SSH2: variants seen among roughly 807,000 people sequenced by gnomAD.
SSH2 encodes the protein slingshot protein phosphatase 2, also known as protein phosphatase Slingshot homolog 2.
SSH2 carries 37 observed loss-of-function variants against 135.2 expected under a neutral mutation model. The ratio of observed to expected loss-of-function variants is 0.27; its 90% CI spans 0.21 to 0.36. The LOEUF (loss-of-function observed/expected upper bound fraction) is 0.36, where lower values mean the gene tolerates loss of function less well. Among genes scored for constraint, SSH2 ranks in the 10% least tolerant of loss-of-function variants. The pLI is 1.00. For synonymous variants in SSH2, 628 were observed against 646.2 expected (o/e 0.97, Z 0.43); for missense variants, 1,408 against 1,765.3 (o/e 0.80, Z 3.63).
At chr17:29,816,002 C>T (rs2042552987) in intron 2 of SSH2, among the ~76,000 whole-genome samples, 1 of 151,972 alleles carries the variant, frequency 6.6e-6, no homozygotes, top group African/African-American at 2.4e-5. Context: ...GCGCGCACCA[C>T]CACATCTGGC....
chr17:29,696,296 A>C (rs865822026), intron 4 of SSH2, among the ~76,000 whole-genome samples: 2 of 150,112 alleles, frequency 1.3e-5, no homozygotes, highest in South Asian at 2.1e-4. Flanking sequence ...ATGTATATAC[A>C]CATGCATATA....
Position 29,649,319 on chromosome 17 carries a change from G to A in SSH2, c.1227-975C>T, listed in dbSNP as rs1317922050. 3.9e-5 allele frequency among the ~76,000 whole-genome samples: 6 copies of A among 152,060 alleles called. No individual in the cohort carries two copies. In the Middle Eastern group the frequency reaches 0.01, roughly 259 times the overall value. On this transcript the variant is annotated intron_variant, in intron 13 of 15. Coordinates refer to ENST00000540801, the MANE Select transcript of SSH2 (RefSeq NM_001282129.2). ...GTAAAATTAGCCTTTCTTTTCACTG[G>A]GACTGGGGCCTAGCCTTCTAGTACC...
intron 3 of SSH2, among the ~76,000 whole-genome samples, chr17:29,765,509 G>C (rs1186208450): frequency 1.3e-5 from 2 of 152,126 alleles, no homozygotes; most frequent in Non-Finnish European, 2.9e-5. Context: ...TATTCACTGA[G>C]AAAATGAAAA....
At chr17:29,830,502 A>C (rs2042826560) in intron 2 of SSH2, among the ~76,000 whole-genome samples, 1 of 152,192 alleles carries the variant, frequency 6.6e-6, no homozygotes, top group Non-Finnish European at 1.5e-5. Context: ...ATTGATCATA[A>C]TTTAAAATTT....
At chr17:29,684,779 A>C in intron 5 of SSH2, 95 bp from the exon 6 acceptor site, 2 of 1,206,362 alleles carry the variant, frequency 1.7e-6, no homozygotes, top group Non-Finnish European at 1.2e-6. Context: ...AAGCATACTC[A>C]CGAAGGCAGC....
intron 12 of SSH2, among the ~76,000 whole-genome samples, chr17:29,652,736 G>A (rs2036628115): frequency 6.6e-6 from 1 of 152,094 alleles, no homozygotes; most frequent in African/African-American, 2.4e-5. Context: ...TTGGCTCTCT[G>A]CAACCTCCGC....
At chr17:29,922,839 C>T (rs2151487944) in intron 1 of SSH2, among the ~76,000 whole-genome samples, 1 of 152,328 alleles carries the variant, frequency 6.6e-6, no homozygotes, top group South Asian at 2.1e-4. Flanking sequence ...AATGAGCATT[C>T]TTATACTATG....
At chr17:29,897,471 G>T (rs1460956125) in intron 1 of SSH2, among the ~76,000 whole-genome samples, 1 of 151,938 alleles carries the variant, frequency 6.6e-6, no homozygotes, top group Non-Finnish European at 1.5e-5. Context: ...AAAAAGGCAG[G>T]GGTTGCAATC....
At chr17:29,748,076 G>C (rs2040819554) in intron 3 of SSH2, among the ~76,000 whole-genome samples, 1 of 152,182 alleles carries the variant, frequency 6.6e-6, no homozygotes. Context: ...CTTGACTTGA[G>C]CACATCACTA....
intron 4 of SSH2, among the ~76,000 whole-genome samples, chr17:29,702,705 T>C (rs3102559): frequency 0.4 from 60,808 of 152,086 alleles, 14,655 homozygotes; most frequent in East Asian, 0.69. Context: ...AGAAGTTCCA[T>C]ATAACTTCAT....
At chr17:29,902,696 T>TC (rs961643173) in intron 1 of SSH2, among the ~76,000 whole-genome samples, 3 of 151,868 alleles carry the variant, frequency 2.0e-5, no homozygotes, top group African/African-American at 7.3e-5. Flanking sequence ...ATGTACCTCT[T>TC]CCCCCCTCCC....
intron 3 of SSH2, among the ~76,000 whole-genome samples, chr17:29,748,013 A>G (rs1180911161): frequency 6.6e-6 from 1 of 152,232 alleles, no homozygotes; most frequent in East Asian, 1.9e-4. Context: ...AAAGGCAAAT[A>G]GTAGTAGTTT....
At chr17:29,849,094 C>T (rs1478750830) in intron 1 of SSH2, among the ~76,000 whole-genome samples, 165 bp from the exon 2 acceptor site, 1 of 152,188 alleles carries the variant, frequency 6.6e-6, no homozygotes, top group African/African-American at 2.4e-5. Context: ...AACAAGGTGA[C>T]TGGTTAGTTG....
chr17:29,761,841 A>G (rs2447937), intron 3 of SSH2, among the ~76,000 whole-genome samples: 62,961 of 140,616 alleles, frequency 0.45, 13,922 homozygotes, highest in Non-Finnish European at 0.48. Flanking sequence ...ACTCACATAC[A>G]TATGTGTGTG....
chr17:29,633,060 C>G, intron 15 of SSH2, 129 bp from the exon 16 acceptor site: 1 of 801,406 alleles, frequency 1.2e-6, no homozygotes, highest in Admixed American at 2.8e-5. Context: ...CATGGAGTGC[C>G]TGGGACCACA....
chr17:29,771,959 G>T (rs188970653), intron 3 of SSH2, among the ~76,000 whole-genome samples: 1 of 152,132 alleles, frequency 6.6e-6, no homozygotes, highest in Non-Finnish European at 1.5e-5. Context: ...ATATGTTCAA[G>T]AATTTACCAC....
intron 3 of SSH2, among the ~76,000 whole-genome samples, chr17:29,770,968 A>G (rs1045127801): frequency 8.5e-5 from 13 of 152,292 alleles, no homozygotes; most frequent in African/African-American, 3.1e-4. Context: ...AAGGAGAGCT[A>G]GCTAGGATTA....
At chr17:29,702,121 G>C (rs996857115) in intron 4 of SSH2, among the ~76,000 whole-genome samples, 1 of 151,940 alleles carries the variant, frequency 6.6e-6, no homozygotes, top group Non-Finnish European at 1.5e-5. Context: ...GGATAACTGA[G>C]GTGGGTGGAT....
intron 14 of SSH2, among the ~76,000 whole-genome samples, chr17:29,637,564 T>C (rs2035961679): frequency 6.6e-6 from 1 of 152,100 alleles, no homozygotes. Context: ...GGCAGATCGC[T>C]TGAGCCCAGA....
Sources: gnomAD v4.1 joint callset for allele counts (sites outside exome capture counted in the v4.1 genomes callset) on GRCh38, gnomAD v4.1.1 for gene constraint, MANE v1.5 for transcripts, NCBI Gene and HGNC (gene_info 2026-07-23, HGNC 2026-07-21) for gene names.